HGSNAT: variants seen among roughly 807,000 people sequenced by gnomAD.
The protein encoded by HGSNAT is heparan-alpha-glucosaminide N-acetyltransferase.
In HGSNAT, 59 loss-of-function variants were observed where a neutral mutation model predicts 85.2. The observed-to-expected ratio is 0.69, with a 90% confidence interval of 0.56 to 0.86. HGSNAT has a LOEUF of 0.86. HGSNAT is among the 40% of genes least tolerant of loss of function. The pLI is 0.00. For synonymous variants in HGSNAT, 321 were observed against 304.5 expected (o/e 1.05, Z -0.56); for missense variants, 756 against 777.1 (o/e 0.97, Z 0.32).
rs78289773 is a variant in HGSNAT, at chr8:43,191,150, A to G, written c.1129-324A>G. 4.4e-3 allele frequency among the ~76,000 whole-genome samples: 665 copies of G among 152,342 alleles called. 8 individuals carry two copies. The highest frequency in any genetic ancestry group is 0.015 in the African/African-American group (636 of 41,582). On this transcript the variant is annotated intron_variant, in intron 11 of 17. Coordinates refer to ENST00000379644, the MANE Select transcript of HGSNAT (RefSeq NM_152419.3). ...CATTTTGCTCACCCATTTATTAGTC[A>G]GTGAACATTTGACTTGTGTCCCCTT...
chr8:43,184,456 A>G (rs1804238696), intron 11 of HGSNAT, among the ~76,000 whole-genome samples: 1 of 152,072 alleles, frequency 6.6e-6, no homozygotes, highest in South Asian at 2.1e-4. Flanking sequence ...GTCTGTTCAT[A>G]TCCTTTGCCC....
chr8:43,193,619 T>A, intron 13 of HGSNAT, 138 bp from the exon 14 acceptor site: 1 of 596,546 alleles, frequency 1.7e-6, no homozygotes, highest in Non-Finnish European at 3.0e-6. Context: ...TCCCTATAAG[T>A]TGGCAATGAA....
At position 43,169,689 on chromosome 8, in the gene HGSNAT, G is replaced by C. The variant is rs141101419; in HGVS notation, c.633+447G>C. 4.7e-3 allele frequency among the ~76,000 whole-genome samples: 715 copies of C among 152,292 alleles called. 7 individuals carry two copies. The highest frequency in any genetic ancestry group is 0.016 in the African/African-American group (662 of 41,564). On this transcript the variant is annotated intron_variant, in intron 6 of 17. Transcript: ENST00000379644. ...CTGTGCTTGTGCTAGATGCACTTAC[G>C]ACTAGTTTTTTTGGTGTCATTTATC... is the stretch of plus-strand genomic sequence containing the variant.
intron 14 of HGSNAT, chr8:43,194,151 A>C: frequency 9.4e-7 from 1 of 1,063,360 alleles, no homozygotes; most frequent in East Asian, 6.3e-5. Flanking sequence ...TAACGCCAAC[A>C]TTTTGGGAAG....
At chr8:43,156,944 T>C (rs1370116044) in intron 2 of HGSNAT, among the ~76,000 whole-genome samples, 2 of 152,210 alleles carry the variant, frequency 1.3e-5, no homozygotes, top group African/African-American at 2.4e-5. Flanking sequence ...AGCATACAGT[T>C]GGGTCTGTTT....
chr8:43,157,440 A>G (rs1803126402), intron 2 of HGSNAT, among the ~76,000 whole-genome samples: 1 of 151,918 alleles, frequency 6.6e-6, no homozygotes, highest in Non-Finnish European at 1.5e-5. Context: ...TAATCCAGTA[A>G]TCTTACCCTT....
intron 2 of HGSNAT, among the ~76,000 whole-genome samples, chr8:43,156,940 C>G (rs1803113564): frequency 6.6e-6 from 1 of 152,078 alleles, no homozygotes; most frequent in South Asian, 2.1e-4. Context: ...AGGCAGCATA[C>G]AGTTGGGTCT....
intron 10 of HGSNAT, among the ~76,000 whole-genome samples, chr8:43,178,709 A>T (rs1761554275): frequency 6.7e-6 from 1 of 149,302 alleles, no homozygotes; most frequent in Admixed American, 6.6e-5. Flanking sequence ...CAGATAAACA[A>T]GTGAACAAAG....
Position 43,199,377 on chromosome 8 carries a change from C to T in HGSNAT, c.1727-11C>T, listed in dbSNP as rs1370309387. 12 of 1,562,080 alleles carry T rather than the reference C, an allele frequency of 7.7e-6. No individual in the cohort carries two copies. The highest frequency in any genetic ancestry group is 1.2e-5 in the South Asian group (1 of 85,910). ...GAGAAACATGATCTTCTGTATGTCT[C>T]TCTCCTTAAGGAATGAATTCCATTC... On this transcript the variant is annotated splice_polypyrimidine_tract_variant and intron_variant, in intron 17 of 17. Transcript: ENST00000379644.
chr8:43,174,749 A>G (rs937496935), intron 9 of HGSNAT, among the ~76,000 whole-genome samples: 6 of 152,200 alleles, frequency 3.9e-5, no homozygotes, highest in African/African-American at 9.6e-5. Context: ...TCAGGCATTT[A>G]CCATTTTGTG....
intron 17 of HGSNAT, among the ~76,000 whole-genome samples, chr8:43,198,280 C>CTTTTTTTT (rs59416007): frequency 6.6e-5 from 6 of 90,330 alleles, no homozygotes; most frequent in East Asian, 3.2e-4. Flanking sequence ...GTTTCTGGTT[C>CTTTTTTTT]TTTTTTTTTT....
Position 43,178,141 on chromosome 8 carries a change from A to G in HGSNAT, c.919A>G (p.Lys307Glu), listed in dbSNP as rs1803878648. 1 of 1,607,624 alleles carries G rather than the reference A, an allele frequency of 6.2e-7. No homozygotes were observed. The highest frequency in any genetic ancestry group is 8.5e-7 in the Non-Finnish European group (1 of 1,177,880). Residue 307 changes from lysine (K) to glutamate (E), a missense_variant, in exon 10 of 18, where the codon AAA becomes GAA. Lys to Glu is a moderately conservative substitution (Grantham distance 56). Coordinates refer to ENST00000379644, the MANE Select transcript of HGSNAT (RefSeq NM_152419.3). ...TTCTATACTGCAACGGGGGTGTTCAAAATTCAGATTGCTGGGGAAGATTGC... is the reference window on the plus strand; with the variant it reads ...TTCTATACTGCAACGGGGGTGTTCAGAATTCAGATTGCTGGGGAAGATTGC... ...MTSILQRGCSKFRLLGKIAWR... is the reference protein window; with the variant it reads ...MTSILQRGCSEFRLLGKIAWR...
intron 10 of HGSNAT, chr8:43,181,845 C>A: frequency 5.3e-6 from 2 of 377,330 alleles, no homozygotes; most frequent in Non-Finnish European, 9.6e-6. Context: ...TGGCTTTATC[C>A]CCACACCTGA....
chr8:43,197,899 A>G lies in HGSNAT; in HGVS notation c.1673A>G (p.Tyr558Cys), dbSNP rs1201236489. 2 of 1,613,916 alleles carry G rather than the reference A, an allele frequency of 1.2e-6. No homozygotes were observed. The highest frequency in any genetic ancestry group is 1.6e-4 in the Middle Eastern group (1 of 6,062). ...GCCTTCTTCATCCTGCTGGTCCTGT[A>G]CCCAGTTGTGGATGTGAAGGGGCTG... ...SFAFFILLVL[Y>C]PVVDVKGLWT... is the part of the protein sequence containing the mutation. The change falls in exon 17 of 18, where the codon TAC becomes TGC. Residue 558 changes from tyrosine (Y) to cysteine (C), a missense_variant. Transcript: ENST00000379644.
intron 17 of HGSNAT, among the ~76,000 whole-genome samples, chr8:43,198,906 T>A (rs529124774): frequency 6.6e-6 from 1 of 152,278 alleles, no homozygotes; most frequent in Admixed American, 6.5e-5. Flanking sequence ...ATCTAATACC[T>A]TTTTTGTGTT....
intron 10 of HGSNAT, among the ~76,000 whole-genome samples, chr8:43,181,227 G>A (rs1282245303): frequency 7.5e-6 from 1 of 132,814 alleles, no homozygotes; most frequent in African/African-American, 2.9e-5. Context: ...GGGAGAGGGA[G>A]AGGGAGAGCA....
chr8:43,150,707 T>A (rs762112397), intron 2 of HGSNAT, among the ~76,000 whole-genome samples: 4 of 151,750 alleles, frequency 2.6e-5, no homozygotes, highest in African/African-American at 4.8e-5. Flanking sequence ...GGTGGTGGGC[T>A]CCTGTAGTCC....
In HGSNAT at chr8:43,178,130, G is replaced by A. The variant is rs368646796; in HGVS notation, c.908G>A (p.Arg303Gln). The change falls in exon 10 of 18, where the codon CGG (arginine) becomes CAG (glutamine). Residue 303 changes from arginine (R) to glutamine (Q), a missense_variant. Coordinates refer to ENST00000379644, the MANE Select transcript of HGSNAT (RefSeq NM_152419.3). ...IFLSMTSILQ[R>Q]GCSKFRLLGK... ...CTATCGATGACTTCTATACTGCAAC[G>A]GGGGTGTTCAAAATTCAGATTGCTG... The A allele has an allele frequency of 2.1e-5, 33 of 1,608,076 alleles. No individual in the cohort carries two copies. In the East Asian group the frequency reaches 3.3e-4, roughly 16 times the overall value.
intron 9 of HGSNAT, among the ~76,000 whole-genome samples, chr8:43,176,729 TG>T (rs1803825306): frequency 6.6e-6 from 1 of 152,188 alleles, no homozygotes; most frequent in East Asian, 1.9e-4. Flanking sequence ...CTTTCATCAG[TG>T]GTTTATAGTT....
Sources: allele counts gnomAD v4.1 joint callset (sites outside exome capture counted in the v4.1 genomes callset), GRCh38; gene constraint gnomAD v4.1.1; transcripts MANE v1.5; gene names NCBI Gene and HGNC (gene_info 2026-07-23, HGNC 2026-07-21).